The following SV2C variants were observed in gnomAD, a reference collection of about 807,000 sequenced individuals.
SV2C encodes the protein synaptic vesicle glycoprotein 2C, also known as solute carrier family 22 member B3.
Under a neutral mutation model 79.7 loss-of-function variants are expected in SV2C, and 49 were observed. The observed-to-expected ratio is 0.61, with a 90% confidence interval of 0.49 to 0.78. The LOEUF (loss-of-function observed/expected upper bound fraction) is 0.78. Among genes scored for constraint, SV2C ranks in the 30% least tolerant of loss-of-function variants. SV2C has a pLI of 0.00. For missense variants in SV2C, 833 were observed against 912.9 expected, an observed-to-expected ratio of 0.91 and a Z score of 1.13; for synonymous variants, 334 against 333.2, an observed-to-expected ratio of 1.00 and a Z score of -0.03.
chr5:76,085,067 T>A (rs140215772), intron 1 of SV2C, among the ~76,000 whole-genome samples: 1 of 152,262 alleles, frequency 6.6e-6, no homozygotes, highest in African/African-American at 2.4e-5. Context: ...CTTAGCTGAC[T>A]GCTAGCGCGG....
At chr5:76,074,399 G>A in the SV2C span, among the ~76,000 whole-genome samples, 13 of 152,140 alleles carry the variant, frequency 8.5e-5, no homozygotes, top group Non-Finnish European at 1.8e-4. Context: ...TTACTGAGGC[G>A]AGACATTTTC....
At position 76,163,300 on chromosome 5, in the gene SV2C, G is replaced by A. The variant is rs1580319016; in HGVS notation, c.580+30970G>A. Among the ~76,000 whole-genome samples, 4 of 152,230 alleles carry A rather than the reference G, an allele frequency of 2.6e-5. No individual in the cohort carries two copies. In the East Asian group the frequency reaches 7.7e-4, roughly 29 times the overall value. On this transcript the variant is annotated intron_variant, in intron 2 of 12. Coordinates refer to ENST00000502798, the MANE Select transcript of SV2C (RefSeq NM_014979.4). The stretch of plus-strand genomic sequence containing the variant: ...CCTTGCGTTACCAGTGCCTGGCACA[G>A]TTCCTGACATTATAAAGCCTGGCAC...
At chr5:76,043,607 A>T in the SV2C span, among the ~76,000 whole-genome samples, 1 of 152,168 alleles carries the variant, frequency 6.6e-6, no homozygotes, top group East Asian at 1.9e-4. Context: ...ACACAAGTTA[A>T]TGCATATTTT....
Position 76,325,537 on chromosome 5 carries a change from T to A in SV2C, c.2174T>A (p.Val725Asp). 1 of 1,613,928 alleles carries A rather than the reference T, an allele frequency of 6.2e-7. No individual in the cohort carries two copies. The highest frequency in any genetic ancestry group is 2.2e-5 in the East Asian group (1 of 44,872). ...TGCCTGCCTGACACACGAACCCAGGTTCTGATGTAATGGGAAAAAAAGCCA... is the reference window on the plus strand; with the variant it reads ...TGCCTGCCTGACACACGAACCCAGGATCTGATGTAATGGGAAAAAAAGCCA... ...GLCLPDTRTQ[V>D]LM Residue 725 changes from valine (V) to aspartate (D), a missense_variant, in exon 13 of 13, where the codon GTT becomes GAT. Physicochemically the swap from Val to Asp is radical, Grantham distance 152. Transcript: ENST00000502798.
chr5:76,116,137 A>G (rs1426435283), intron 1 of SV2C, among the ~76,000 whole-genome samples: 1 of 152,182 alleles, frequency 6.6e-6, no homozygotes, highest in Admixed American at 6.5e-5. Context: ...AATTTAAATT[A>G]CTGTATTTTT....
the SV2C span, among the ~76,000 whole-genome samples, chr5:76,035,569 A>T: frequency 2.0e-5 from 3 of 151,826 alleles, no homozygotes; most frequent in South Asian, 2.1e-4. Context: ...TTTGAGTGAG[A>T]TTCTTAATCC....
chr5:75,852,077 C>T, the SV2C span, among the ~76,000 whole-genome samples: 1 of 152,042 alleles, frequency 6.6e-6, no homozygotes, highest in African/African-American at 2.4e-5. Context: ...GTAAATTTAC[C>T]ACCGCATGTT....
At chr5:76,050,980 C>T in the SV2C span, among the ~76,000 whole-genome samples, 1 of 152,022 alleles carries the variant, frequency 6.6e-6, no homozygotes, top group African/African-American at 2.4e-5. Context: ...AGTATGAATA[C>T]ATATGAAAAT....
At chr5:76,324,471 CT>C (rs1748923403) in intron 12 of SV2C, among the ~76,000 whole-genome samples, 1 of 152,162 alleles carries the variant, frequency 6.6e-6, no homozygotes, top group African/African-American at 2.4e-5. Context: ...TGACCTGCCT[CT>C]CTCTAATGAA....
At chr5:76,182,319 A>C (rs1743759415) in intron 2 of SV2C, among the ~76,000 whole-genome samples, 1 of 152,044 alleles carries the variant, frequency 6.6e-6, no homozygotes, top group Admixed American at 6.6e-5. Flanking sequence ...GTTATGACCT[A>C]TCCCAAGCTG....
the SV2C span, among the ~76,000 whole-genome samples, chr5:75,975,188 C>G: frequency 1.3e-5 from 2 of 152,122 alleles, no homozygotes; most frequent in East Asian, 3.9e-4. Context: ...AGGTGATTTT[C>G]AAATACAGAT....
the SV2C span, among the ~76,000 whole-genome samples, chr5:76,047,591 AT>A: frequency 3.9e-5 from 6 of 152,132 alleles, no homozygotes; most frequent in African/African-American, 1.4e-4. Context: ...AAAGAAAAAA[AT>A]ATTATGCTAT....
At chr5:76,085,908 T>G (rs1747177829) in intron 1 of SV2C, among the ~76,000 whole-genome samples, 1 of 151,814 alleles carries the variant, frequency 6.6e-6, no homozygotes, top group African/African-American at 2.4e-5. Flanking sequence ...ATTGTTTTTT[T>G]AATGAAATTT....
chr5:75,873,380 T>A, the SV2C span, among the ~76,000 whole-genome samples: 1 of 148,104 alleles, frequency 6.8e-6, no homozygotes, highest in Non-Finnish European at 1.5e-5. Flanking sequence ...AAATATGTCA[T>A]CATTTTTTCA....
upstream of SV2C, among the ~76,000 whole-genome samples, chr5:76,082,634 ACCC>A (rs70979367): frequency 0.23 from 25,330 of 111,726 alleles, 2,763 homozygotes; most frequent in South Asian, 0.4. Flanking sequence ...CTCTCTCTCC[ACCC>A]CCCCCCCCTC....
At chr5:76,020,306 A>T in the SV2C span, among the ~76,000 whole-genome samples, 2 of 152,104 alleles carry the variant, frequency 1.3e-5, no homozygotes, top group Non-Finnish European at 2.9e-5. Context: ...GGCACAAGAT[A>T]CTCTACAAAT....
chr5:75,910,361 G>T, the SV2C span: 2 of 565,586 alleles, frequency 3.5e-6, no homozygotes, highest in Non-Finnish European at 6.9e-6. Context: ...CCCTACGATG[G>T]CCTTCAGCTC....
chr5:76,123,335 C>T (rs1748595086), intron 1 of SV2C, among the ~76,000 whole-genome samples: 1 of 152,170 alleles, frequency 6.6e-6, no homozygotes. Context: ...TGAAACTATT[C>T]CAATCAATAG....
At chr5:76,062,470 C>A in the SV2C span, among the ~76,000 whole-genome samples, 1 of 152,016 alleles carries the variant, frequency 6.6e-6, no homozygotes, top group Non-Finnish European at 1.5e-5. Flanking sequence ...CCTGCTGGCA[C>A]CTTGATGTTG....
Sources: allele counts gnomAD v4.1 joint callset (sites outside exome capture counted in the v4.1 genomes callset), GRCh38; gene constraint gnomAD v4.1.1; transcripts MANE v1.5; gene names NCBI Gene and HGNC (gene_info 2026-07-23, HGNC 2026-07-21).